The following SARS1 variants were observed in gnomAD, a reference collection of about 807,000 sequenced individuals.
The protein encoded by SARS1 is seryl-tRNA synthetase 1.
Under a neutral mutation model 63.7 loss-of-function variants are expected in SARS1, and 25 were observed. The observed-to-expected ratio is 0.39, with a 90% CI of 0.29 to 0.55. The LOEUF is 0.55. SARS1 is among the 20% of genes least tolerant of loss of function. SARS1 has a pLI of 0.62. For synonymous variants in SARS1, 231 were observed against 243.5 expected (o/e 0.95, Z 0.48); for missense variants, 417 against 649.7 (o/e 0.64, Z 3.89).
At chr1:109,227,917 C>A (rs866729066) in intron 2 of SARS1, among the ~76,000 whole-genome samples, 101 of 121,814 alleles carry the variant, frequency 8.3e-4, no homozygotes, top group South Asian at 1.1e-3. Context: ...GAGACTCCGT[C>A]AAAAAAAAAA....
rs1200614800 is a variant in SARS1 at position 109,237,663 on chromosome 1, C to T, written c.1388-68C>T. On this transcript the variant is annotated intron_variant, in intron 10 of 10. Transcript: ENST00000234677. The surrounding 1 kb of genome is among the most constrained non-coding windows in gnomAD (Gnocchi z 4.1). ...AGGGATCATTGTCTTGTTGAATTCTCCCCAGAGGTCTTAGGGCTTTGACTC... is the reference window on the plus strand; with the variant it reads ...AGGGATCATTGTCTTGTTGAATTCTTCCCAGAGGTCTTAGGGCTTTGACTC... 1.9e-6 allele frequency: 3 copies of T among 1,550,416 alleles called. No individual in the cohort carries two copies. The highest frequency in any genetic ancestry group is 1.4e-5 in the African/African-American group (1 of 72,748).
intron 4 of SARS1, 83 bp downstream of exon 4, chr1:109,229,655 C>A: frequency 2.2e-6 from 3 of 1,380,804 alleles, no homozygotes; most frequent in Non-Finnish European, 2.0e-6. Flanking sequence ...ATCTGTGGAA[C>A]ACTGGCATTG....
chr1:109,218,151 C>T (rs1055230363), intron 1 of SARS1, among the ~76,000 whole-genome samples: 11 of 138,228 alleles, frequency 8.0e-5, no homozygotes, highest in Non-Finnish European at 1.4e-4. Context: ...TGAGATCATG[C>T]CACTGCACTC....
At chr1:109,216,253 C>G (rs1654782550) in intron 1 of SARS1, 1 of 985,324 alleles carries the variant, frequency 1.0e-6, no homozygotes, top group South Asian at 4.7e-5. Flanking sequence ...GATCATGCTC[C>G]CTAATTGAGG....
At chr1:109,229,038 T>G (rs1038318932) in intron 3 of SARS1, among the ~76,000 whole-genome samples, 1 of 152,172 alleles carries the variant, frequency 6.6e-6, no homozygotes, top group African/African-American at 2.4e-5. Flanking sequence ...TAGAGAACAG[T>G]TGAATGCAGC....
At position 109,214,442 on chromosome 1, in the gene SARS1, G is replaced by A; in HGVS notation, c.136+314G>A. ...GGGGTTGCCAGAACATGCCGGGGCG[G>A]GAGGTTGTGGGGTCTACGCGGCTTT... On this transcript the variant is annotated intron_variant, in intron 1 of 10. Coordinates refer to ENST00000234677, the MANE Select transcript of SARS1 (RefSeq NM_006513.4). This position sits in a 1 kb window ranked among gnomAD's most constrained non-coding sequence, Gnocchi z 4.6. 1 of 832,408 alleles carries A rather than the reference G, an allele frequency of 1.2e-6. No homozygotes were observed. The highest frequency in any genetic ancestry group is 1.6e-6 in the Non-Finnish European group (1 of 642,826). 51.6% of individuals were successfully genotyped at this position (832,408 alleles called of 1,614,324 possible). A position where few individuals can be genotyped will look rare whatever the true frequency, so the allele number is the denominator to read the frequency against.
intron 1 of SARS1, among the ~76,000 whole-genome samples, chr1:109,223,156 G>A (rs1024797522): frequency 6.6e-6 from 1 of 152,222 alleles, no homozygotes; most frequent in Non-Finnish European, 1.5e-5. Context: ...TGACCAGTTA[G>A]TGCCTGTCTT....
chr1:109,231,917 A>G, intron 6 of SARS1, 131 bp downstream of exon 6: 1 of 740,858 alleles, frequency 1.3e-6, no homozygotes, highest in East Asian at 3.4e-5. Flanking sequence ...ACTCTTGAGC[A>G]CTTAAAATGT....
chr1:109,238,149 C>T lies in SARS1; in HGVS notation c.*261C>T, dbSNP rs963840688. The T allele has an allele frequency of 2.8e-5, 13 of 467,630 alleles. No individual in the cohort carries two copies. Among genetic ancestry groups the T allele is most frequent in the South Asian group, 1.1e-4 (3 of 27,168 alleles). 29.0% of individuals were successfully genotyped at this position (467,630 alleles called of 1,614,324 possible). Reference sequence around the variant, plus strand: ...AGGACTCTTCCTCAGTCTTCTTCCCCGGGCTTGAACCCCGCCTCTGAGGTT... The same window carrying T: ...AGGACTCTTCCTCAGTCTTCTTCCCTGGGCTTGAACCCCGCCTCTGAGGTT... On this transcript the variant is annotated 3_prime_UTR_variant, in exon 11 of 11. Transcript: ENST00000234677.
intron 1 of SARS1, among the ~76,000 whole-genome samples, chr1:109,221,076 T>C (rs74758895): frequency 6.6e-6 from 1 of 151,324 alleles, no homozygotes; most frequent in Non-Finnish European, 1.5e-5. Context: ...TTTTTTTTTT[T>C]CTTGAGACAG....
At chr1:109,216,946 CT>C in intron 1 of SARS1, 1 of 985,346 alleles carries the variant, frequency 1.0e-6, no homozygotes, top group Non-Finnish European at 1.2e-6. Context: ...TCCTCATAAC[CT>C]TTACTGCACA....
chr1:109,226,711 C>A (rs1449774083), intron 2 of SARS1, among the ~76,000 whole-genome samples: 1 of 48,854 alleles, frequency 2.0e-5, no homozygotes, highest in Non-Finnish European at 4.6e-5. Context: ...CACACACACA[C>A]ACACACACAC....
intron 6 of SARS1, among the ~76,000 whole-genome samples, chr1:109,232,661 A>T (rs373383328): frequency 2.6e-5 from 4 of 152,276 alleles, no homozygotes; most frequent in Admixed American, 1.3e-4. Flanking sequence ...GCTCTCCCTA[A>T]ACCCTGAGCA....
At chr1:109,220,421 T>C (rs1043158101) in intron 1 of SARS1, among the ~76,000 whole-genome samples, 8 of 152,262 alleles carry the variant, frequency 5.3e-5, no homozygotes, top group South Asian at 2.1e-4. Context: ...CTGGTAGATA[T>C]ATAGTGGTGT....
intron 1 of SARS1, chr1:109,215,089 A>G: frequency 1.0e-6 from 1 of 985,474 alleles, no homozygotes; most frequent in Non-Finnish European, 1.2e-6. Flanking sequence ...GATTTCTATT[A>G]GGAAAATTGA....
At chr1:109,232,832 C>T (rs900104278) in intron 6 of SARS1, among the ~76,000 whole-genome samples, 1 of 152,132 alleles carries the variant, frequency 6.6e-6, no homozygotes, top group African/African-American at 2.4e-5. Context: ...CTGCAGGTAA[C>T]AGTAGGGAGA....
chr1:109,235,587 G>A lies in SARS1; in HGVS notation c.969+156G>A, dbSNP rs1485417315. Among the ~76,000 whole-genome samples the A allele has an allele frequency of 3.3e-5, 5 of 152,152 alleles. No homozygotes were observed. The highest frequency in any genetic ancestry group is 9.7e-5 in the African/African-American group (4 of 41,424). On this transcript the variant is annotated intron_variant, in intron 7 of 10. Transcript: ENST00000234677. The surrounding 1 kb of genome is among the most constrained non-coding windows in gnomAD (Gnocchi z 4.7). ...CTGGGGAAGTGCATGGTGGAGTGGC[G>A]TGGATTATGGACCCTGAAACCAGGC... is the stretch of plus-strand genomic sequence containing the variant.
chr1:109,220,889 A>G (rs903748388), intron 1 of SARS1, among the ~76,000 whole-genome samples: 2 of 152,040 alleles, frequency 1.3e-5, no homozygotes, highest in African/African-American at 2.4e-5. Flanking sequence ...TAGGTATAAG[A>G]TATATTTAAT....
chr1:109,226,677 A>AAATATATATATAT (rs1178056468), intron 2 of SARS1, among the ~76,000 whole-genome samples: 4 of 44,964 alleles, frequency 8.9e-5, no homozygotes, highest in South Asian at 9.5e-4. Flanking sequence ...AAAAAAAAAA[A>AAATATATATATAT]ATATATATAT....
Sources: gnomAD v4.1 joint callset for allele counts (sites outside exome capture counted in the v4.1 genomes callset) on GRCh38, gnomAD v4.1.1 for gene constraint, Gnocchi (gnomAD v3.1) non-coding constraint, MANE v1.5 for transcripts, NCBI Gene and HGNC (gene_info 2026-07-23, HGNC 2026-07-21) for gene names.